Variants in EDN3 observed in about 807,000 individuals in gnomAD.
The protein encoded by EDN3 is endothelin 3.
Under a neutral mutation model 21.4 loss-of-function variants are expected in EDN3, and 9 were observed. The observed-to-expected ratio is 0.42, with a 90% CI of 0.25 to 0.73. The LOEUF is 0.73. Among genes scored for constraint, EDN3 ranks in the 30% least tolerant of loss-of-function variants. EDN3 has a pLI of 0.26. For synonymous variants in EDN3, 133 were observed against 126.2 expected (o/e 1.05, Z -0.36); for missense variants, 327 against 309.4 (o/e 1.06, Z -0.43).
Position 59,322,294 on chromosome 20 carries a change from G to A in EDN3, c.543-78G>A. ...TAATGTGCTCATTGGTGGGGAAGAGGAAGTCATAATTTGACACCGAAAAAC... is the reference window on the plus strand; with the variant it reads ...TAATGTGCTCATTGGTGGGGAAGAGAAAGTCATAATTTGACACCGAAAAAC... On this transcript the variant is annotated intron_variant, in intron 3 of 4. Coordinates refer to ENST00000337938, the MANE Select transcript of EDN3 (RefSeq NM_207034.3). This position sits in a 1 kb window ranked among gnomAD's most constrained non-coding sequence, Gnocchi z 4.1. The A allele has an allele frequency of 2.0e-6, 3 of 1,515,620 alleles. No individual in the cohort carries two copies. Among genetic ancestry groups the A allele is most frequent in the Non-Finnish European group, 1.8e-6 (2 of 1,090,954 alleles). The allele number at this position is 1,515,620 out of a possible 1,614,324, so 93.9% of individuals were successfully genotyped here.
At chr20:59,317,474 C>T (rs197802) in intron 2 of EDN3, among the ~76,000 whole-genome samples, 21,439 of 152,138 alleles carry the variant, frequency 0.14, 4,319 homozygotes, top group African/African-American at 0.45. Context: ...TTGCTTTGTC[C>T]AGCCACACTT....
intron 2 of EDN3, among the ~76,000 whole-genome samples, chr20:59,303,326 T>C (rs1989175836): frequency 6.6e-6 from 1 of 152,204 alleles, no homozygotes; most frequent in Admixed American, 6.5e-5. Flanking sequence ...CAATTGCCTC[T>C]TATCCTCAGA....
intron 2 of EDN3, among the ~76,000 whole-genome samples, chr20:59,318,051 C>G (rs766104030): frequency 6.6e-6 from 1 of 152,320 alleles, no homozygotes; most frequent in South Asian, 2.1e-4. Flanking sequence ...GCCATATGCT[C>G]CCTCTTCAAG....
rs1008476314 is a variant in EDN3 at position 59,305,640 on chromosome 20, G to A, written c.365+3918G>A. Among the ~76,000 whole-genome samples the A allele has an allele frequency of 2.6e-5, 4 of 152,232 alleles. No homozygotes were observed. Among genetic ancestry groups the A allele is most frequent in the East Asian group, 1.9e-4 (1 of 5,194 alleles). On this transcript the variant is annotated intron_variant, in intron 2 of 4. Coordinates refer to ENST00000337938, the MANE Select transcript of EDN3 (RefSeq NM_207034.3). The surrounding 1 kb of genome is among the most constrained non-coding windows in gnomAD (Gnocchi z 4.2). ...GGAGAGAGACAAAGAGCAATTTTCAGAATTTGGCTTACATGATTGTGGGGG... is the reference window on the plus strand; with the variant it reads ...GGAGAGAGACAAAGAGCAATTTTCAAAATTTGGCTTACATGATTGTGGGGG...
chr20:59,315,721 G>A (rs1433176529), intron 2 of EDN3, among the ~76,000 whole-genome samples: 2 of 152,138 alleles, frequency 1.3e-5, no homozygotes, highest in Non-Finnish European at 2.9e-5. Context: ...AAAGATGAGC[G>A]AAGGGGGCCA....
At chr20:59,315,305 C>T (rs1449026229) in intron 2 of EDN3, among the ~76,000 whole-genome samples, 1 of 152,246 alleles carries the variant, frequency 6.6e-6, no homozygotes, top group African/African-American at 2.4e-5. Context: ...GACTGTCTGC[C>T]AGTGGGAAAC....
In EDN3 at chr20:59,322,414, G is replaced by C. The variant is rs760582150; in HGVS notation, c.585G>C (p.Gly195=). Residue 195 remains glycine, a synonymous_variant, in exon 4 of 5, where the codon GGG becomes GGC. Transcript: ENST00000337938. This position sits in a 1 kb window ranked among gnomAD's most constrained non-coding sequence, Gnocchi z 4.1. ...AAAAAACAGACAAAGAAGAGGAAGG[G>C]AAGGTGAGAGGTGCCAACAGAGGCC... ...TAEKTDKEEE[G]KVEVKDQQSK... is the part of the protein sequence containing the mutation. 6 of 1,614,234 alleles carry C rather than the reference G, an allele frequency of 3.7e-6. No individual in the cohort carries two copies. The highest frequency in any genetic ancestry group is 5.1e-6 in the Non-Finnish European group (6 of 1,180,042).
intron 2 of EDN3, among the ~76,000 whole-genome samples, chr20:59,315,408 G>A (rs917265712): frequency 1.2e-4 from 18 of 152,214 alleles, no homozygotes; most frequent in Non-Finnish European, 4.4e-5. Flanking sequence ...TATTGCCTCT[G>A]CTTTCCCAGT....
chr20:59,321,273 G>T (rs1318428860), intron 3 of EDN3, 80 bp downstream of exon 3: 3 of 1,486,296 alleles, frequency 2.0e-6, no homozygotes, highest in Non-Finnish European at 2.8e-6. Flanking sequence ...CTTCTCAAAG[G>T]AGGGTGTAGG....
chr20:59,324,563 C>A lies in EDN3; in HGVS notation c.*104C>A. On this transcript the variant is annotated 3_prime_UTR_variant, in exon 5 of 5. Coordinates refer to ENST00000337938, the MANE Select transcript of EDN3 (RefSeq NM_207034.3). ...AGACAAGAAGTGAATTTGCCTGGGG[C>A]AGAACACCCACCCAAAGAGTCCCCA... The A allele has an allele frequency of 1.3e-6, 2 of 1,529,734 alleles. No individual in the cohort carries two copies. Among genetic ancestry groups the A allele is most frequent in the Non-Finnish European group, 9.0e-7 (1 of 1,113,874 alleles). 94.8% of individuals were successfully genotyped at this position (1,529,734 alleles called of 1,614,324 possible). A position where few individuals can be genotyped will look rare whatever the true frequency, so the allele number is the denominator to read the frequency against.
Position 59,300,689 on chromosome 20 carries a change from C to G in EDN3, c.-124C>G, listed in dbSNP as rs906861786. ...TGGCCGGAGCTGGAGACGCAGCGAG[C>G]GATCGGCCGGCCTCGAACCCCCACA... On this transcript the variant is annotated 5_prime_UTR_variant, in exon 1 of 5. Coordinates refer to ENST00000337938, the MANE Select transcript of EDN3 (RefSeq NM_207034.3). 30 of 936,310 alleles carry G rather than the reference C, an allele frequency of 3.2e-5. No individual in the cohort carries two copies. The highest frequency in any genetic ancestry group is 4.2e-5 in the Non-Finnish European group (26 of 620,734). 58.0% of individuals were successfully genotyped at this position (936,310 alleles called of 1,614,324 possible). A position where few individuals can be genotyped will look rare whatever the true frequency, so the allele number is the denominator to read the frequency against.
intron 2 of EDN3, among the ~76,000 whole-genome samples, chr20:59,312,583 T>G (rs1199207263): frequency 6.6e-6 from 1 of 152,222 alleles, no homozygotes; most frequent in Non-Finnish European, 1.5e-5. Context: ...CTCAGCCTTA[T>G]GGTAATAGGC....
rs982353866 is a variant in EDN3, at chr20:59,305,041, C to G, written c.365+3319C>G. Among the ~76,000 whole-genome samples the G allele has an allele frequency of 6.6e-6, 1 of 152,194 alleles. No homozygotes were observed. Among genetic ancestry groups the G allele is most frequent in the Admixed American group, 6.5e-5 (1 of 15,274 alleles). On this transcript the variant is annotated intron_variant, in intron 2 of 4. Coordinates refer to ENST00000337938, the MANE Select transcript of EDN3 (RefSeq NM_207034.3). This position sits in a 1 kb window ranked among gnomAD's most constrained non-coding sequence, Gnocchi z 4.2. ...GCTGCTCTTCAGGGGCCTGCACATC[C>G]CTGTAGACAGGGGTGGGCAAGAGAG...
intron 1 of EDN3, 121 bp downstream of exon 1, chr20:59,300,985 C>A: frequency 1.6e-6 from 2 of 1,231,690 alleles, no homozygotes; most frequent in Non-Finnish European, 2.3e-6. Context: ...CTGGGCTCTG[C>A]ACTCGTGAAG....
chr20:59,305,960 AC>A lies in EDN3; in HGVS notation c.365+4239del, dbSNP rs1404987472. Among the ~76,000 whole-genome samples the A allele has an allele frequency of 6.6e-6, 1 of 152,150 alleles. No homozygotes were observed. The highest frequency in any genetic ancestry group is 2.1e-4 in the South Asian group (1 of 4,830). Reference sequence around the variant, plus strand: ...AAGTTGACACCTAAAGTGACCCATAACGGGGATGTCAGCTCGAACCACATTT... The same window carrying A: ...AAGTTGACACCTAAAGTGACCCATAAGGGGATGTCAGCTCGAACCACATTT... On this transcript the variant is annotated intron_variant, in intron 2 of 4. Coordinates refer to ENST00000337938, the MANE Select transcript of EDN3 (RefSeq NM_207034.3). This position sits in a 1 kb window ranked among gnomAD's most constrained non-coding sequence, Gnocchi z 4.2.
intron 2 of EDN3, among the ~76,000 whole-genome samples, chr20:59,317,586 T>TA (rs1382246430): frequency 2.6e-5 from 4 of 152,206 alleles, no homozygotes; most frequent in Non-Finnish European, 4.4e-5. Context: ...CACATACCTG[T>TA]ACCTACTGGC....
At chr20:59,318,053 C>T (rs1166042869) in intron 2 of EDN3, among the ~76,000 whole-genome samples, 1 of 152,222 alleles carries the variant, frequency 6.6e-6, no homozygotes, top group Non-Finnish European at 1.5e-5. Flanking sequence ...CATATGCTCC[C>T]TCTTCAAGAC....
chr20:59,316,414 G>A (rs1990192512), intron 2 of EDN3, among the ~76,000 whole-genome samples: 1 of 152,202 alleles, frequency 6.6e-6, no homozygotes, highest in Non-Finnish European at 1.5e-5. Flanking sequence ...TAAAAACTGG[G>A]TTTTCAATAG....
Position 59,311,857 on chromosome 20 carries a change from G to C in EDN3, c.366-9160G>C, listed in dbSNP as rs556383933. Among the ~76,000 whole-genome samples, 4 of 152,238 alleles carry C rather than the reference G, an allele frequency of 2.6e-5. No homozygotes were observed. The South Asian group carries it at 6.2e-4, about 24-fold the overall frequency. On this transcript the variant is annotated intron_variant, in intron 2 of 4. Coordinates refer to ENST00000337938, the MANE Select transcript of EDN3 (RefSeq NM_207034.3). ...AGCTACCAAAAGGGCATTACACAAG[G>C]ACACAGACAATTAGGTTAGGTGGAA...
Sources: gnomAD v4.1 joint callset for allele counts (sites outside exome capture counted in the v4.1 genomes callset) on GRCh38, gnomAD v4.1.1 for gene constraint, Gnocchi (gnomAD v3.1) non-coding constraint, MANE v1.5 for transcripts, NCBI Gene and HGNC (gene_info 2026-07-23, HGNC 2026-07-21) for gene names.